CHRM5: variants seen among roughly 807,000 people sequenced by gnomAD.
The protein encoded by CHRM5 is cholinergic receptor muscarinic 5, also known as muscarinic acetylcholine receptor M5.
In CHRM5, 18 loss-of-function variants were observed where a neutral mutation model predicts 39.0. That is an observed-to-expected ratio of 0.46 (90% CI 0.32 to 0.68). The LOEUF is 0.68. Ranked by LOEUF, CHRM5 falls within the 30% of genes least tolerant of loss-of-function variation. The pLI is 0.04. For synonymous variants in CHRM5, 241 were observed against 246.3 expected, an observed-to-expected ratio of 0.98 and a Z score of 0.20; for missense variants, 515 against 651.1, an observed-to-expected ratio of 0.79 and a Z score of 2.28.
intron 1 of CHRM5, chr15:34,039,237 G>C (rs1370615261): frequency 6.4e-6 from 2 of 310,472 alleles, no homozygotes. Context: ...CCGGCGTCCC[G>C]CAGGTGGGGC....
intron 1 of CHRM5, among the ~76,000 whole-genome samples, chr15:34,036,165 G>A (rs759050630): frequency 3.9e-5 from 6 of 151,920 alleles, no homozygotes; most frequent in Non-Finnish European, 7.4e-5. Flanking sequence ...AGTATTCCGT[G>A]AAGATAATTA....
At chr15:34,033,530 CA>C (rs1898963553) in intron 1 of CHRM5, among the ~76,000 whole-genome samples, 1 of 151,206 alleles carries the variant, frequency 6.6e-6, no homozygotes, top group Admixed American at 6.6e-5. Flanking sequence ...AATTGCAAAT[CA>C]AAATAACTGT....
intron 1 of CHRM5, among the ~76,000 whole-genome samples, chr15:33,985,075 T>G (rs533769481): frequency 2.0e-5 from 3 of 152,032 alleles, no homozygotes; most frequent in Non-Finnish European, 2.9e-5. Context: ...CACACTGAAC[T>G]GTATTTGTTG....
intron 1 of CHRM5, among the ~76,000 whole-genome samples, chr15:33,977,914 G>C (rs1323404030): frequency 6.7e-6 from 1 of 150,004 alleles, no homozygotes; most frequent in Admixed American, 6.7e-5. Context: ...TCCAGCCTGG[G>C]TGACAGAACG....
chr15:34,003,354 G>C (rs1193747246), intron 1 of CHRM5: 2 of 716,180 alleles, frequency 2.8e-6, no homozygotes, highest in Non-Finnish European at 4.5e-6. Context: ...TATTTTAAGA[G>C]AATCACACTA....
At chr15:33,987,785 G>C (rs1052211206) in intron 1 of CHRM5, among the ~76,000 whole-genome samples, 1 of 152,190 alleles carries the variant, frequency 6.6e-6, no homozygotes, top group African/African-American at 2.4e-5. Flanking sequence ...AGCATGCCTA[G>C]AAGATTCATA....
chr15:33,998,207 T>C (rs912199290), intron 1 of CHRM5, among the ~76,000 whole-genome samples: 1 of 152,212 alleles, frequency 6.6e-6, no homozygotes, highest in Admixed American at 6.5e-5. Flanking sequence ...CAATAGATCC[T>C]ATCAAGCTCA....
At position 34,062,844 on chromosome 15, in the gene CHRM5, A is replaced by T. The variant is rs1254247744; in HGVS notation, c.127A>T (p.Ile43Phe). 2 of 1,614,228 alleles carry T rather than the reference A, an allele frequency of 1.2e-6. No homozygotes were observed. Among genetic ancestry groups the T allele is most frequent in the South Asian group, 1.1e-5 (1 of 91,080 alleles). The change falls in exon 3 of 3, where the codon ATC becomes TTC. Residue 43 changes from isoleucine to phenylalanine, a missense_variant. Physicochemically the swap from Ile to Phe is conservative, Grantham distance 21. Transcript: ENST00000383263. ...IAAVTAVVSL[I>F]TIVGNVLVMI... ...AGCTGTGACTGCTGTGGTAAGCCTG[A>T]TCACCATTGTGGGCAATGTCTTGGT...
chr15:33,990,611 A>C (rs954476817), intron 1 of CHRM5: 1 of 152,256 alleles, frequency 6.6e-6, no homozygotes, highest in African/African-American at 2.4e-5. Context: ...CCTTCATGTG[A>C]ACTTGAAAGT....
intron 1 of CHRM5, chr15:34,003,081 AC>A: frequency 6.2e-7 from 1 of 1,614,024 alleles, no homozygotes; most frequent in South Asian, 1.1e-5. Context: ...GTGACTCTCC[AC>A]TTTCATTATT....
chr15:34,025,416 G>C (rs1386409589), intron 1 of CHRM5, among the ~76,000 whole-genome samples: 2 of 152,170 alleles, frequency 1.3e-5, no homozygotes, highest in African/African-American at 2.4e-5. Context: ...CCCAGCCACA[G>C]GAACAATCAG....
chr15:34,039,228 C>G (rs1290997472), intron 1 of CHRM5: 39 of 377,674 alleles, frequency 1.0e-4, no homozygotes, highest in Non-Finnish European at 1.3e-4. Flanking sequence ...GCGGGGCGGC[C>G]GGCGTCCCGC....
intron 1 of CHRM5, among the ~76,000 whole-genome samples, chr15:33,974,576 G>T (rs951448532): frequency 2.0e-5 from 3 of 152,152 alleles, no homozygotes; most frequent in Admixed American, 2.0e-4. Context: ...TGTGTGTTGG[G>T]GTGGGGGCAG....
At chr15:34,018,738 G>A (rs565747865) in intron 1 of CHRM5, among the ~76,000 whole-genome samples, 4 of 152,186 alleles carry the variant, frequency 2.6e-5, no homozygotes, top group Non-Finnish European at 5.9e-5. Flanking sequence ...CCCTGCCCAC[G>A]TCCTACTGAT....
intron 1 of CHRM5, among the ~76,000 whole-genome samples, chr15:33,997,175 AG>A (rs1319571775): frequency 1.3e-5 from 2 of 152,246 alleles, no homozygotes; most frequent in Non-Finnish European, 2.9e-5. Context: ...CAGCATAAAC[AG>A]TAGGATAGAA....
At chr15:33,984,179 C>T (rs918185287) in intron 1 of CHRM5, among the ~76,000 whole-genome samples, 3 of 151,804 alleles carry the variant, frequency 2.0e-5, no homozygotes, top group African/African-American at 7.3e-5. Flanking sequence ...GATAAAGATA[C>T]CATGGTTATA....
At chr15:34,001,817 T>C (rs1257130638) in intron 1 of CHRM5, among the ~76,000 whole-genome samples, 1 of 152,206 alleles carries the variant, frequency 6.6e-6, no homozygotes, top group Non-Finnish European at 1.5e-5. Context: ...TTATTGTTCT[T>C]AGTCTGGTGC....
At chr15:33,992,945 C>A (rs1291865255) in intron 1 of CHRM5, among the ~76,000 whole-genome samples, 1 of 152,138 alleles carries the variant, frequency 6.6e-6, no homozygotes, top group Non-Finnish European at 1.5e-5. Flanking sequence ...CTATACTGAC[C>A]AAACTGCAGT....
Position 34,063,018 on chromosome 15 carries a change from C to T in CHRM5, c.301C>T (p.Leu101=). Residue 101 remains leucine (L), a synonymous_variant, in exon 3 of 3, where the codon CTG becomes TTG. Coordinates refer to ENST00000383263, the MANE Select transcript of CHRM5 (RefSeq NM_012125.4). The surrounding 1 kb of genome is among the most constrained non-coding windows in gnomAD (Gnocchi z 4.1). ...CATGGGACGCTGGGCTCTCGGGAGT[C>T]TGGCTTGTGACCTTTGGCTTGCACT... is the stretch of plus-strand genomic sequence containing the variant. ...ILMGRWALGS[L]ACDLWLALDY... The T allele has an allele frequency of 6.2e-7, 1 of 1,614,268 alleles. No individual in the cohort carries two copies. The highest frequency in any genetic ancestry group is 8.5e-7 in the Non-Finnish European group (1 of 1,180,046).
Sources: gnomAD v4.1 joint callset for allele counts (sites outside exome capture counted in the v4.1 genomes callset) on GRCh38, gnomAD v4.1.1 for gene constraint, Gnocchi (gnomAD v3.1) non-coding constraint, MANE v1.5 for transcripts, NCBI Gene and HGNC (gene_info 2026-07-23, HGNC 2026-07-21) for gene names.